Variants in ZAN observed in about 807,000 individuals in gnomAD.
The protein encoded by ZAN is zonadhesin (gene/pseudogene).
A neutral mutation model predicts 286.2 loss-of-function variants in ZAN; 260 were observed. The ratio of observed to expected loss-of-function variants is 0.91; its 90% CI spans 0.82 to 1.01. The LOEUF is 1.01. Ranked by LOEUF, ZAN falls within the 50% of genes least tolerant of loss-of-function variation. The pLI, the probability that ZAN is intolerant of heterozygous loss-of-function variation, is 0.00. For missense variants in ZAN, 3,410 were observed against 3,639.2 expected, an observed-to-expected ratio of 0.94 and a Z score of 1.62; for synonymous variants, 1,368 against 1,417.5, an observed-to-expected ratio of 0.97 and a Z score of 0.79.
chr7:100,745,032 C>T (rs1229400646), intron 7 of ZAN, among the ~76,000 whole-genome samples: 1 of 151,384 alleles, frequency 6.6e-6, no homozygotes, highest in African/African-American at 2.4e-5. Flanking sequence ...TACAGATGCC[C>T]GCCACCACGC....
intron 17 of ZAN, 101 bp downstream of exon 17, chr7:100,758,751 G>T (rs972729827): frequency 6.7e-7 from 1 of 1,494,036 alleles, no homozygotes; most frequent in Non-Finnish European, 8.9e-7. Context: ...GGGCACAGAT[G>T]GGGGAAGAGG....
intron 37 of ZAN, among the ~76,000 whole-genome samples, chr7:100,787,469 A>G (rs1014397289): frequency 2.0e-5 from 3 of 152,096 alleles, no homozygotes; most frequent in African/African-American, 4.8e-5. Context: ...AGGGAGCCTG[A>G]GCCTAAGAGG....
At chr7:100,760,612 C>T (rs1809499056) in intron 19 of ZAN, 76 bp downstream of exon 19, 2 of 1,554,068 alleles carry the variant, frequency 1.3e-6, no homozygotes, top group Admixed American at 1.9e-5. Flanking sequence ...TCCTGCTGCC[C>T]ACCCTGCCCA....
intron 28 of ZAN, 35 bp from the exon 29 acceptor site, chr7:100,771,809 C>T (rs771468269): frequency 6.3e-7 from 1 of 1,589,170 alleles, no homozygotes; most frequent in East Asian, 2.3e-5. Context: ...TTCCCGGCCC[C>T]TCCCCTGGCT....
Position 100,755,333 on chromosome 7 carries a change from C to T in ZAN, c.3232C>T (p.Pro1078Ser). 1 of 1,613,876 alleles carries T rather than the reference C, an allele frequency of 6.2e-7. No individual in the cohort carries two copies. The highest frequency in any genetic ancestry group is 8.5e-7 in the Non-Finnish European group (1 of 1,179,870). The change falls in exon 15 of 48, where the codon CCT (proline) becomes TCT (serine). Residue 1078 changes from proline (P) to serine (S), a missense_variant. Pro to Ser is a moderately conservative substitution (Grantham distance 74). This residue lies in a region of ZAN where 1,042 missense variants were observed against 1,058.0 expected (regional missense o/e 0.98). Coordinates refer to ENST00000613979, the MANE Select transcript of ZAN (RefSeq NM_003386.3). ...CTGTCGGGAGGGCTGTGTCTGCAAC[C>T]CTGGCTTTTTGTTTAGTGACAACCA... ...PLCREGCVCN[P>S]GFLFSDNHCI...
Position 100,786,056 on chromosome 7 carries a change from C to A in ZAN, c.6894C>A (p.Ala2298=). 6.2e-7 allele frequency: 1 copy of A among 1,614,014 alleles called. No homozygotes were observed. Among genetic ancestry groups the A allele is most frequent in the African/African-American group, 1.3e-5 (1 of 75,072 alleles). Residue 2298 remains alanine, a synonymous_variant, in exon 37 of 48, where the codon GCC becomes GCA. Coordinates refer to ENST00000613979, the MANE Select transcript of ZAN (RefSeq NM_003386.3). ...AGAAGTGTGTCTGCACGGGAGGAGC[C>A]ATTCAGTGCGGGGACTTCCGATGCC... ...CTEKCVCTGG[A]IQCGDFRCPS...
At position 100,737,334 on chromosome 7, in the gene ZAN, G is replaced by A; in HGVS notation, c.598G>A (p.Gly200Ser). 2 of 1,473,064 alleles carry A rather than the reference G, an allele frequency of 1.4e-6. No homozygotes were observed. The highest frequency in any genetic ancestry group is 1.7e-4 in the Middle Eastern group (1 of 5,810). 91.2% of individuals were successfully genotyped at this position (1,473,064 alleles called of 1,614,324 possible). The change falls in exon 6 of 48, where the codon GGC becomes AGC. Residue 200 changes from glycine (G) to serine (S), a missense_variant. Physicochemically the swap from Gly to Ser is moderately conservative, Grantham distance 56. Around this residue, in one of 7 missense-constraint regions of ZAN, gnomAD observed 872 missense variants for 938.9 expected, o/e 0.93. Transcript: ENST00000613979. ...CCTGGATGCCCTCTCTATCCGCCGG[G>A]GCTCCTGTAATCGCGGTGAGTCCCT... is the stretch of plus-strand genomic sequence containing the variant. ...IALDALSIRR[G>S]SCNRVCMMQT...
At position 100,771,962 on chromosome 7, in the gene ZAN, C is replaced by A. The variant is rs144744180; in HGVS notation, c.5367C>A (p.Tyr1789Ter). 2.5e-6 allele frequency: 4 copies of A among 1,610,420 alleles called. No individual in the cohort carries two copies. Among genetic ancestry groups the A allele is most frequent in the South Asian group, 1.1e-5 (1 of 91,040 alleles). Residue 1789 changes from tyrosine to a stop codon, truncating the protein, a stop_gained, in exon 29 of 48, where the codon TAC (tyrosine) becomes TAA (stop). Transcript: ENST00000613979. LOFTEE classifies it high-confidence loss of function. ...CCCTGTGCCGCTCCCTGCAGGCCTA[C>A]GCGTCCCTGTGTGCCCAGGCTGGCC... ...TTALCRSLQA[Y>*]ASLCAQAGQA...
At position 100,760,087 on chromosome 7, in the gene ZAN, GC is replaced by G. The variant is rs1809448385; in HGVS notation, c.3696+244del. ...AAATTAGCCTGGTGTGGTGGCACTT[GC>G]CTGTTGTCCCCTCTACTCCAGAGGC... On this transcript the variant is annotated intron_variant, in intron 18 of 47. Transcript: ENST00000613979. Among the ~76,000 whole-genome samples, 8 of 152,234 alleles carry G rather than the reference GC, an allele frequency of 5.3e-5. No individual in the cohort carries two copies. In the South Asian group the frequency reaches 1.7e-3, roughly 32 times the overall value.
intron 3 of ZAN, among the ~76,000 whole-genome samples, 184 bp downstream of exon 3, chr7:100,735,956 C>A (rs535858748): frequency 7.1e-6 from 1 of 141,246 alleles, no homozygotes; most frequent in South Asian, 2.2e-4. Context: ...CAGTTCATGA[C>A]CCCGGACCTT....
chr7:100,780,786 A>G (rs914377687), intron 35 of ZAN, among the ~76,000 whole-genome samples: 2 of 152,134 alleles, frequency 1.3e-5, no homozygotes, highest in Admixed American at 1.3e-4. Flanking sequence ...GCATATATAA[A>G]CAAATTCAAA....
chr7:100,775,061 G>C (rs953642228), intron 31 of ZAN, among the ~76,000 whole-genome samples: 4 of 152,126 alleles, frequency 2.6e-5, no homozygotes, highest in Non-Finnish European at 5.9e-5. Context: ...CCAAGTAGCT[G>C]AGATTACAGG....
intron 31 of ZAN, among the ~76,000 whole-genome samples, chr7:100,774,674 T>A (rs150274755): frequency 1.1e-4 from 17 of 151,994 alleles, no homozygotes; most frequent in South Asian, 8.3e-4. Context: ...AAATTTTTTT[T>A]AATTAGTTGA....
At chr7:100,762,416 T>TCC in intron 20 of ZAN, 58 bp downstream of exon 20, 3 of 1,119,692 alleles carry the variant, frequency 2.7e-6, no homozygotes, top group Non-Finnish European at 3.5e-6. Context: ...TTCCTGGAAC[T>TCC]CTCTTTTTTT....
rs771923256 is a variant in ZAN, at chr7:100,758,520, C to T, written c.3452-11C>T. Reference sequence around the variant, plus strand: ...AGAAGCAGCTTCGCCTGTTCTCCTTCCCCCTCCCAGCAGGCACTGCCACCT... The same window carrying T: ...AGAAGCAGCTTCGCCTGTTCTCCTTTCCCCTCCCAGCAGGCACTGCCACCT... On this transcript the variant is annotated splice_polypyrimidine_tract_variant and intron_variant, in intron 16 of 47. Transcript: ENST00000613979. 3 of 1,555,696 alleles carry T rather than the reference C, an allele frequency of 1.9e-6. No individual in the cohort carries two copies. The highest frequency in any genetic ancestry group is 2.4e-5 in the South Asian group (2 of 84,418).
Position 100,751,234 on chromosome 7 carries a change from G to A in ZAN, c.1574G>A (p.Gly525Asp). 1 of 1,609,008 alleles carries A rather than the reference G, an allele frequency of 6.2e-7. No homozygotes were observed. The highest frequency in any genetic ancestry group is 8.5e-7 in the Non-Finnish European group (1 of 1,177,924). ...GSNTASVVAM[G>D]FILINPGTCP... ...AACACGGCCTCTGTGGTTGCTATGG[G>A]TTTCATCTTGATCAATCCTGGGACT... Residue 525 changes from glycine to aspartate, a missense_variant, in exon 13 of 48, where the codon GGT becomes GAT. By Grantham distance (94) the Gly-to-Asp change is moderately conservative. This residue lies in a region of ZAN where 872 missense variants were observed against 938.9 expected (regional missense o/e 0.93). Transcript: ENST00000613979.
Position 100,752,004 on chromosome 7 carries a change from C to T in ZAN, c.1899C>T (p.Pro633=), listed in dbSNP as rs1462791949. Residue 633 remains proline (P), a synonymous_variant, in exon 14 of 48, where the codon CCC becomes CCT. Transcript: ENST00000613979. ...SEKPTILTEK[P]TIPSEKPTIP... is the part of the protein sequence containing the mutation. The stretch of plus-strand genomic sequence containing the variant: ...AACCCACCATCCTCACAGAAAAACC[C>T]ACCATTCCCTCAGAAAAACCCACCA... The T allele has an allele frequency of 6.2e-7, 1 of 1,612,832 alleles. No homozygotes were observed. The highest frequency in any genetic ancestry group is 1.3e-5 in the African/African-American group (1 of 74,652).
At position 100,764,188 on chromosome 7, in the gene ZAN, A is replaced by T; in HGVS notation, c.4259A>T (p.His1420Leu). 1 of 1,559,658 alleles carries T rather than the reference A, an allele frequency of 6.4e-7. No individual in the cohort carries two copies. ...GCTGTGAAGCCCTGGAGGGAACCCC[A>T]CTTCTGCCGTGAGTTGTGCCAAACT... ...GHAVKPWREPHFCPMACPPNS... is the reference protein window; with the variant it reads ...GHAVKPWREPLFCPMACPPNS... The change falls in exon 22 of 48, where the codon CAC (histidine) becomes CTC (leucine). Residue 1420 changes from histidine (H) to leucine (L), a missense_variant. His to Leu is a moderately conservative substitution (Grantham distance 99). This residue lies in a region of ZAN where 1,042 missense variants were observed against 1,058.0 expected (regional missense o/e 0.98). Coordinates refer to ENST00000613979, the MANE Select transcript of ZAN (RefSeq NM_003386.3).
At chr7:100,751,020 G>A (rs1000721117) in intron 12 of ZAN, 124 bp downstream of exon 12, 84 of 1,441,798 alleles carry the variant, frequency 5.8e-5, no homozygotes, top group Non-Finnish European at 7.4e-5. Flanking sequence ...GGGGAACTTC[G>A]TGTTACAGAA....
Sources: allele counts gnomAD v4.1 joint callset (sites outside exome capture counted in the v4.1 genomes callset), GRCh38; gene constraint gnomAD v4.1.1; regional missense constraint gnomAD v4.1.1; transcripts MANE v1.5; gene names NCBI Gene and HGNC (gene_info 2026-07-23, HGNC 2026-07-21).